Variants in LRP2 observed in about 807,000 individuals in gnomAD.
LRP2 encodes low-density lipoprotein receptor-related protein 2.
Under a neutral mutation model 531.0 loss-of-function variants are expected in LRP2, and 172 were observed. That is an observed-to-expected ratio of 0.32 (90% CI 0.29 to 0.37). LRP2 has a LOEUF of 0.37. LRP2 is among the 10% of genes least tolerant of loss of function. LRP2 has a pLI of 1.00. For synonymous variants in LRP2, 1,992 were observed against 2,027.6 expected, an observed-to-expected ratio of 0.98 and a Z score of 0.47; for missense variants, 5,167 against 5,868.3, an observed-to-expected ratio of 0.88 and a Z score of 3.90.
Position 169,127,805 on chromosome 2 carries a change from T to G in LRP2, c.*858A>C, listed in dbSNP as rs1448207454. The stretch of plus-strand genomic sequence containing the variant: ...AAGACACAGATTTGGTTTCAGAAAT[T>G]CAGCTACTGAGCTCCAACTACTAGG... On this transcript the variant is annotated 3_prime_UTR_variant, in exon 79 of 79. Transcript: ENST00000649046. 6.6e-6 allele frequency: 1 copy of G among 152,480 alleles called. No individual in the cohort carries two copies. The highest frequency in any genetic ancestry group is 2.4e-5 in the African/African-American group (1 of 41,418). The allele number at this position is 152,480 out of a possible 1,614,324, so 9.4% of individuals were successfully genotyped here. A position where few individuals can be genotyped will look rare whatever the true frequency, so the allele number is the denominator to read the frequency against.
chr2:169,352,818 A>AG (rs1280808647), intron 1 of LRP2, among the ~76,000 whole-genome samples: 4 of 21,504 alleles, frequency 1.9e-4, no homozygotes, highest in African/African-American at 2.5e-4. Context: ...ACATGGTCAC[A>AG]GGGGGGGGAA....
chr2:169,233,696 T>C (rs1689497754), intron 29 of LRP2, 108 bp from the exon 30 acceptor site: 4 of 989,048 alleles, frequency 4.0e-6, no homozygotes, highest in African/African-American at 3.2e-5. Context: ...AACATGTCAT[T>C]ATTTAATAAA....
At chr2:169,263,121 A>T (rs1424974728) in intron 16 of LRP2, among the ~76,000 whole-genome samples, 1 of 152,246 alleles carries the variant, frequency 6.6e-6, no homozygotes, top group Non-Finnish European at 1.5e-5. Flanking sequence ...CTTAAATATT[A>T]GACCTAAAAC....
intron 3 of LRP2, among the ~76,000 whole-genome samples, chr2:169,318,437 T>C (rs2105512613): frequency 6.6e-6 from 1 of 152,252 alleles, no homozygotes; most frequent in African/African-American, 2.4e-5. Flanking sequence ...AAGGACTCAT[T>C]CAGCTGTCAA....
At chr2:169,284,247 C>CTTTTT (rs1342396746) in intron 9 of LRP2, among the ~76,000 whole-genome samples, 1 of 72,234 alleles carries the variant, frequency 1.4e-5, no homozygotes, top group Non-Finnish European at 2.9e-5. Flanking sequence ...TTTTCTTTTT[C>CTTTTT]TTTTTTTTCT....
chr2:169,146,305 G>A (rs993063714), intron 69 of LRP2, among the ~76,000 whole-genome samples: 1 of 152,106 alleles, frequency 6.6e-6, no homozygotes, highest in African/African-American at 2.4e-5. Context: ...CTGGGTCATT[G>A]CAATTCTGCA....
At chr2:169,187,349 G>A (rs1440768882) in intron 49 of LRP2, among the ~76,000 whole-genome samples, 1 of 151,972 alleles carries the variant, frequency 6.6e-6, no homozygotes, top group African/African-American at 2.4e-5. Context: ...ATGAACAAGT[G>A]GAATAAAGAA....
At position 169,216,291 on chromosome 2, in the gene LRP2, C is replaced by T. The variant is rs1688784280; in HGVS notation, c.5788G>A (p.Glu1930Lys). 1.2e-6 allele frequency: 2 copies of T among 1,613,434 alleles called. No individual in the cohort carries two copies. Among genetic ancestry groups the T allele is most frequent in the African/African-American group, 2.7e-5 (2 of 74,854 alleles). ...GTGACTGCCCAGTAGAGTTTCTGCT[C>T]TTCGATGTCAAGAGTGACACACTCC... ...HLECVTLDIE[E>K]QKLYWAVTGR... Residue 1930 changes from glutamate (E) to lysine (K), a missense_variant, in exon 35 of 79, where the codon GAG becomes AAG. By Grantham distance (56) the Glu-to-Lys change is moderately conservative. This residue lies in a region of LRP2 where 2,811 missense variants were observed against 3,058.0 expected (regional missense o/e 0.92). Transcript: ENST00000649046.
At chr2:169,233,390 A>T (rs1161603136) in intron 30 of LRP2, 21 bp downstream of exon 30, 1 of 1,613,900 alleles carries the variant, frequency 6.2e-7, no homozygotes, top group Non-Finnish European at 8.5e-7. Flanking sequence ...CCCAGGCAGG[A>T]TGTTTCTCTG....
rs1685627841 is a variant in LRP2 at position 169,139,185 on chromosome 2, C to G, written c.13388+66G>C. 8 of 1,607,830 alleles carry G rather than the reference C, an allele frequency of 5.0e-6. No individual in the cohort carries two copies. In the Admixed American group the frequency reaches 1.3e-4, roughly 27 times the overall value. On this transcript the variant is annotated intron_variant, in intron 74 of 78. Coordinates refer to ENST00000649046, the MANE Select transcript of LRP2 (RefSeq NM_004525.3). ...TTTTAACTTAGAAAGAAAACTAAGT[C>G]CTTCACATGGCTTCATATGAATTTC...
At chr2:169,165,814 G>T in intron 62 of LRP2, 118 bp downstream of exon 62, 1 of 1,198,264 alleles carries the variant, frequency 8.3e-7, no homozygotes, top group Non-Finnish European at 1.2e-6. Flanking sequence ...TGTCAGCAGA[G>T]ATCTGCAGTC....
intron 21 of LRP2, among the ~76,000 whole-genome samples, chr2:169,245,930 GCA>G (rs2105391964): frequency 6.6e-6 from 1 of 152,136 alleles, no homozygotes; most frequent in Admixed American, 6.5e-5. Context: ...GAAGTACACG[GCA>G]CAGTCTTGGC....
intron 1 of LRP2, among the ~76,000 whole-genome samples, chr2:169,358,598 C>G (rs1416244196): frequency 2.0e-5 from 3 of 152,092 alleles, no homozygotes; most frequent in African/African-American, 7.2e-5. Flanking sequence ...GCTATTGCCC[C>G]CACAATCCTT....
intron 2 of LRP2, 149 bp downstream of exon 2, chr2:169,320,628 T>G (rs1246119755): frequency 1.4e-6 from 1 of 710,306 alleles, no homozygotes; most frequent in Non-Finnish European, 2.6e-6. Context: ...CCATCAGTTC[T>G]CTATTCAACC....
rs756668889 is a variant in LRP2 at position 169,216,211 on chromosome 2, C to A, written c.5826+42G>T. On this transcript the variant is annotated intron_variant, in intron 35 of 78. Transcript: ENST00000649046. ...TCAGAACACTCAGCATCAGCTACAC[C>A]AGCTCAGCATAAAGACCAAAAGACT... 18 of 1,601,426 alleles carry A rather than the reference C, an allele frequency of 1.1e-5. No individual in the cohort carries two copies. In the African/African-American group the frequency reaches 1.2e-4, roughly 11 times the overall value.
intron 48 of LRP2, among the ~76,000 whole-genome samples, chr2:169,189,920 A>C (rs1192196962): frequency 6.6e-6 from 1 of 152,182 alleles, no homozygotes; most frequent in Non-Finnish European, 1.5e-5. Context: ...CGAACAAAGA[A>C]AGGGAGAGAG....
intron 74 of LRP2, among the ~76,000 whole-genome samples, 176 bp from the exon 75 acceptor site, chr2:169,138,882 C>T (rs1685616710): frequency 6.6e-6 from 1 of 152,196 alleles, no homozygotes; most frequent in Non-Finnish European, 1.5e-5. Context: ...GTTCCCTTAG[C>T]TACCTGGAAA....
chr2:169,170,541 T>A lies in LRP2; in HGVS notation c.11380+10A>T. On this transcript the variant is annotated intron_variant, in intron 59 of 78. Coordinates refer to ENST00000649046, the MANE Select transcript of LRP2 (RefSeq NM_004525.3). ...AAAATTCTATGGTAAGCTTCTCAAATGACAGTTACCACAGTCCCGTTCATC... is the reference window on the plus strand; with the variant it reads ...AAAATTCTATGGTAAGCTTCTCAAAAGACAGTTACCACAGTCCCGTTCATC... 6.2e-7 allele frequency: 1 copy of A among 1,604,056 alleles called. No individual in the cohort carries two copies. Among genetic ancestry groups the A allele is most frequent in the South Asian group, 1.1e-5 (1 of 90,888 alleles).
rs114121456 is a variant in LRP2, at chr2:169,283,764, T to C, written c.1043-763A>G. Reference sequence around the variant, plus strand: ...TATTCACTCATTTAGTAAGTGTTCATTGAAGTCCCTTACATGACAGAGCTC... The same window carrying C: ...TATTCACTCATTTAGTAAGTGTTCACTGAAGTCCCTTACATGACAGAGCTC... On this transcript the variant is annotated intron_variant, in intron 9 of 78. Transcript: ENST00000649046. 6.3e-3 allele frequency among the ~76,000 whole-genome samples: 965 copies of C among 152,334 alleles called. 14 individuals are homozygous for C. Among genetic ancestry groups the C allele is most frequent in the African/African-American group, 0.022 (914 of 41,574 alleles).
Sources: allele counts gnomAD v4.1 joint callset (sites outside exome capture counted in the v4.1 genomes callset), GRCh38; gene constraint gnomAD v4.1.1; regional missense constraint gnomAD v4.1.1; transcripts MANE v1.5; gene names NCBI Gene and HGNC (gene_info 2026-07-23, HGNC 2026-07-21).